The following DNAJB5 variants were observed in gnomAD, a reference collection of about 807,000 sequenced individuals.
DNAJB5 encodes the protein dnaJ homolog subfamily B member 5.
A neutral mutation model predicts 32.6 loss-of-function variants in DNAJB5; 12 were observed. The ratio of observed to expected loss-of-function variants is 0.37; its 90% confidence interval spans 0.24 to 0.60. DNAJB5 has a LOEUF of 0.60. Among genes scored for constraint, DNAJB5 ranks in the 20% least tolerant of loss-of-function variants. DNAJB5 has a pLI of 0.71. For missense variants in DNAJB5, 358 were observed against 554.2 expected, an observed-to-expected ratio of 0.65 and a Z score of 3.55; for synonymous variants, 188 against 212.9, an observed-to-expected ratio of 0.88 and a Z score of 1.02.
At chr9:34,994,775 C>T (rs1316500409) in intron 3 of DNAJB5, among the ~76,000 whole-genome samples, 3 of 152,176 alleles carry the variant, frequency 2.0e-5, no homozygotes, top group African/African-American at 2.4e-5. Context: ...CCTGAGGATG[C>T]GGCATGGCCT....
At chr9:34,995,503 T>C (rs1012417425) in intron 3 of DNAJB5, among the ~76,000 whole-genome samples, 12 of 152,302 alleles carry the variant, frequency 7.9e-5, no homozygotes, top group African/African-American at 2.4e-4. Context: ...ACATTAGGTG[T>C]GGGGTATGGC....
Position 34,996,137 on chromosome 9 carries a change from C to T in DNAJB5, c.428-128C>T, listed in dbSNP as rs1282007235. 8.0e-7 allele frequency: 1 copy of T among 1,252,964 alleles called. No individual in the cohort carries two copies. Among genetic ancestry groups the T allele is most frequent in the African/African-American group, 1.5e-5 (1 of 65,938 alleles). 77.6% of individuals were successfully genotyped at this position (1,252,964 alleles called of 1,614,324 possible). On this transcript the variant is annotated intron_variant, in intron 3 of 4. Coordinates refer to ENST00000682809, the MANE Select transcript of DNAJB5 (RefSeq NM_001349723.3). This position sits in a 1 kb window ranked among gnomAD's most constrained non-coding sequence, Gnocchi z 7.2. ...GCCTTTCTTACTCTATTAGCCTGGC[C>T]CTCTCTGTGGGATTTAAAGGTTGCT...
rs1260834257 is a variant in DNAJB5, at chr9:34,990,626, T to A, written c.-5T>A. 6.4e-7 allele frequency: 1 copy of A among 1,551,450 alleles called. No individual in the cohort carries two copies. The highest frequency in any genetic ancestry group is 8.7e-7 in the Non-Finnish European group (1 of 1,146,930). On this transcript the variant is annotated 5_prime_UTR_variant, in exon 2 of 5. Coordinates refer to ENST00000682809, the MANE Select transcript of DNAJB5 (RefSeq NM_001349723.3). The surrounding 1 kb of genome is among the most constrained non-coding windows in gnomAD (Gnocchi z 4.5). ...AGCGATCAGAGGTGAGGGGCTTGGC[T>A]GGGCATGTTTAAGCGCACAGTGCTC...
intron 3 of DNAJB5, among the ~76,000 whole-genome samples, chr9:34,994,736 C>A (rs892979582): frequency 2.0e-5 from 3 of 152,200 alleles, no homozygotes; most frequent in Non-Finnish European, 4.4e-5. Flanking sequence ...ACACCAGGTT[C>A]TGATGCAGAA....
In DNAJB5 at chr9:34,997,395, G is replaced by A. The variant is rs1009219402; in HGVS notation, c.*136G>A. On this transcript the variant is annotated 3_prime_UTR_variant, in exon 5 of 5. Coordinates refer to ENST00000682809, the MANE Select transcript of DNAJB5 (RefSeq NM_001349723.3). This position sits in a 1 kb window ranked among gnomAD's most constrained non-coding sequence, Gnocchi z 4.1. The stretch of plus-strand genomic sequence containing the variant: ...GCAAAAAAAAGCCACTGGTTTTCAG[G>A]AAAATGTTCCTGTCCCTGACCCCTT... 1.0e-6 allele frequency: 1 copy of A among 1,001,888 alleles called. No individual in the cohort carries two copies. The highest frequency in any genetic ancestry group is 1.5e-6 in the Non-Finnish European group (1 of 650,866). The allele number at this position is 1,001,888 out of a possible 1,614,324, so 62.1% of individuals were successfully genotyped here.
intron 2 of DNAJB5, chr9:34,991,871 G>A (rs966921956): frequency 1.5e-4 from 27 of 180,418 alleles, no homozygotes; most frequent in Admixed American, 8.4e-4. Flanking sequence ...GGGGGCAGCA[G>A]TGAGGGCCAT....
At position 34,997,320 on chromosome 9, in the gene DNAJB5, ATG is replaced by A; in HGVS notation, c.*64_*65del. ...ATACCCCCAACACTCACTCCACTCA[ATG>A]TGCACCCAGCTTGATGTCCACTGGA... On this transcript the variant is annotated 3_prime_UTR_variant, in exon 5 of 5. Transcript: ENST00000682809. The surrounding 1 kb of genome is among the most constrained non-coding windows in gnomAD (Gnocchi z 4.1). The A allele has an allele frequency of 6.7e-7, 1 of 1,497,138 alleles. No homozygotes were observed. The highest frequency in any genetic ancestry group is 2.3e-5 in the East Asian group (1 of 43,592). 92.7% of individuals were successfully genotyped at this position (1,497,138 alleles called of 1,614,324 possible). A position where few individuals can be genotyped will look rare whatever the true frequency, so the allele number is the denominator to read the frequency against.
At chr9:34,994,197 T>C (rs960421163) in intron 3 of DNAJB5, among the ~76,000 whole-genome samples, 8 of 152,178 alleles carry the variant, frequency 5.3e-5, no homozygotes, top group Non-Finnish European at 1.0e-4. Context: ...TTAAGAGACA[T>C]TGTCACGCTG....
chr9:34,992,812 C>T, intron 2 of DNAJB5: 2 of 1,039,520 alleles, frequency 1.9e-6, no homozygotes, highest in East Asian at 8.3e-5. Context: ...GCTCAGGTGA[C>T]CTCACCCGTT....
rs1827815498 is a variant in DNAJB5 at position 34,996,937 on chromosome 9, G to A, written c.1029+71G>A. On this transcript the variant is annotated intron_variant, in intron 4 of 4. Coordinates refer to ENST00000682809, the MANE Select transcript of DNAJB5 (RefSeq NM_001349723.3). The surrounding 1 kb of genome is among the most constrained non-coding windows in gnomAD (Gnocchi z 7.2). Reference sequence around the variant, plus strand: ...GACATTCCCTCTCTTCCCGCCAGCTGGCACATTCTTTCCCCACCTCAGTCT... The same window carrying A: ...GACATTCCCTCTCTTCCCGCCAGCTAGCACATTCTTTCCCCACCTCAGTCT... The A allele has an allele frequency of 8.8e-6, 14 of 1,588,012 alleles. No homozygotes were observed. Among genetic ancestry groups the A allele is most frequent in the Non-Finnish European group, 1.1e-5 (13 of 1,169,168 alleles).
chr9:34,995,128 C>T (rs1331515930), intron 3 of DNAJB5, among the ~76,000 whole-genome samples: 1 of 152,138 alleles, frequency 6.6e-6, no homozygotes, highest in Non-Finnish European at 1.5e-5. Flanking sequence ...GGTGAAGAGG[C>T]AGCTGCCACA....
rs931820652 is a variant in DNAJB5 at position 34,997,337 on chromosome 9, T to C, written c.*78T>C. ...TCCACTCAATGTGCACCCAGCTTGA[T>C]GTCCACTGGACACTGGCAACTTTTT... On this transcript the variant is annotated 3_prime_UTR_variant, in exon 5 of 5. Transcript: ENST00000682809. The surrounding 1 kb of genome is among the most constrained non-coding windows in gnomAD (Gnocchi z 4.1). 6.9e-7 allele frequency: 1 copy of C among 1,450,310 alleles called. No individual in the cohort carries two copies. Among genetic ancestry groups the C allele is most frequent in the African/African-American group, 1.4e-5 (1 of 71,578 alleles). The allele number at this position is 1,450,310 out of a possible 1,614,324, so 89.8% of individuals were successfully genotyped here. A position where few individuals can be genotyped will look rare whatever the true frequency, so the allele number is the denominator to read the frequency against.
In DNAJB5 at chr9:34,993,424, A is replaced by G; in HGVS notation, c.407A>G (p.Tyr136Cys). The G allele has an allele frequency of 1.2e-6, 2 of 1,613,206 alleles. No individual in the cohort carries two copies. The highest frequency in any genetic ancestry group is 1.7e-6 in the Non-Finnish European group (2 of 1,179,818). ...AGTGACCCCAAGAAACGGGGCCTGT[A>G]TGACCAGTATGGGGAGGAAGGTAAG... ...VLSDPKKRGL[Y>C]DQYGEEGLKT... The change falls in exon 3 of 5, where the codon TAT becomes TGT. Residue 136 changes from tyrosine to cysteine, a missense_variant. Physicochemically the swap from Tyr to Cys is radical, Grantham distance 194 (BLOSUM62 -2). Transcript: ENST00000682809. The surrounding 1 kb of genome is among the most constrained non-coding windows in gnomAD (Gnocchi z 4.7).
rs945226523 is a variant in DNAJB5 at position 34,998,287 on chromosome 9, G to C, written c.*1028G>C. The C allele has an allele frequency of 3.3e-5, 5 of 152,638 alleles. No homozygotes were observed. Among genetic ancestry groups the C allele is most frequent in the African/African-American group, 1.2e-4 (5 of 41,444 alleles). The allele number at this position is 152,638 out of a possible 1,614,324, so 9.5% of individuals were successfully genotyped here. A position where few individuals can be genotyped will look rare whatever the true frequency, so the allele number is the denominator to read the frequency against. On this transcript the variant is annotated 3_prime_UTR_variant, in exon 5 of 5. Transcript: ENST00000682809. ...GTATAAAGGTCATAGTGAAGAAGCT[G>C]GGGGAAGACTGCTTCAGCCAGATCC...
At position 34,990,531 on chromosome 9, in the gene DNAJB5, TG is replaced by T. The variant is rs1363633196; in HGVS notation, c.-97del. On this transcript the variant is annotated 5_prime_UTR_variant, in exon 2 of 5. Transcript: ENST00000682809. The surrounding 1 kb of genome is among the most constrained non-coding windows in gnomAD (Gnocchi z 4.5). ...ACCTGCTGCGCCAGACAGGCCTTGC[TG>T]GGCACGCGCCTCTGAGAGTCCAAGG... 1.3e-6 allele frequency: 2 copies of T among 1,545,732 alleles called. No homozygotes were observed. The highest frequency in any genetic ancestry group is 2.0e-5 in the Admixed American group (1 of 50,994).
chr9:34,989,753 T>TGGAGGCGGCGGAGCC lies in DNAJB5; in HGVS notation c.-206_-192dup. 8.1e-7 allele frequency: 1 copy of TGGAGGCGGCGGAGCC among 1,230,814 alleles called. No individual in the cohort carries two copies. Among genetic ancestry groups the TGGAGGCGGCGGAGCC allele is most frequent in the Non-Finnish European group, 1.0e-6 (1 of 987,454 alleles). 76.2% of individuals were successfully genotyped at this position (1,230,814 alleles called of 1,614,324 possible). On this transcript the variant is annotated 5_prime_UTR_variant, in exon 1 of 5. Transcript: ENST00000682809. The stretch of plus-strand genomic sequence containing the variant: ...GCGGGCAGGCGACTCCTGTCCCGGG[T>TGGAGGCGGCGGAGCC]GGAGGCGGCGGAGCCGGAGCCGGGG...
intron 3 of DNAJB5, among the ~76,000 whole-genome samples, chr9:34,994,113 T>C (rs1827729239): frequency 6.6e-6 from 1 of 152,196 alleles, no homozygotes; most frequent in African/African-American, 2.4e-5. Flanking sequence ...ACGGCCATGA[T>C]GTAGCTGCTA....
rs1190724462 is a variant in DNAJB5, at chr9:34,993,962, G to C, written c.427+518G>C. ...AGAGGTGGAGCTTTGCCTCCCAGAG[G>C]AAGTGGCAGGGATCCAAGGGTGGAC... On this transcript the variant is annotated intron_variant, in intron 3 of 4. Transcript: ENST00000682809. This position sits in a 1 kb window ranked among gnomAD's most constrained non-coding sequence, Gnocchi z 4.7. Among the ~76,000 whole-genome samples the C allele has an allele frequency of 6.6e-6, 1 of 152,206 alleles. No homozygotes were observed. Among genetic ancestry groups the C allele is most frequent in the Non-Finnish European group, 1.5e-5 (1 of 68,026 alleles).
In DNAJB5 at chr9:34,996,187, G is replaced by A; in HGVS notation, c.428-78G>A. On this transcript the variant is annotated intron_variant, in intron 3 of 4. Coordinates refer to ENST00000682809, the MANE Select transcript of DNAJB5 (RefSeq NM_001349723.3). This position sits in a 1 kb window ranked among gnomAD's most constrained non-coding sequence, Gnocchi z 7.2. ...TTCTTTCTTTAAGCCTGTGAACTGG[G>A]AGCTAGAGGGCAGGGGGAAGACACT... 1 of 1,533,070 alleles carries A rather than the reference G, an allele frequency of 6.5e-7. No individual in the cohort carries two copies. Among genetic ancestry groups the A allele is most frequent in the Non-Finnish European group, 8.8e-7 (1 of 1,141,948 alleles). The allele number at this position is 1,533,070 out of a possible 1,614,324, so 95.0% of individuals were successfully genotyped here. A position where few individuals can be genotyped will look rare whatever the true frequency, so the allele number is the denominator to read the frequency against.
Sources: gnomAD v4.1 joint callset for allele counts (sites outside exome capture counted in the v4.1 genomes callset) on GRCh38, gnomAD v4.1.1 for gene constraint, Gnocchi (gnomAD v3.1) non-coding constraint, MANE v1.5 for transcripts, NCBI Gene and HGNC (gene_info 2026-07-23, HGNC 2026-07-21) for gene names.